The following RSU1 variants were observed in gnomAD, a reference collection of about 807,000 sequenced individuals.
The protein encoded by RSU1 is Ras suppressor protein 1, also known as rsu-1.
RSU1 carries 26 observed loss-of-function variants against 31.1 expected under a neutral mutation model. That is an observed-to-expected ratio of 0.84 (90% CI 0.61 to 1.16). The LOEUF is 1.16. Among genes scored for constraint, RSU1 ranks in the 50% most tolerant of loss-of-function variants. RSU1 has a pLI of 0.00. For synonymous variants in RSU1, 164 were observed against 136.3 expected (o/e 1.20, Z -1.41); for missense variants, 320 against 339.1 (o/e 0.94, Z 0.44).
chr10:16,689,021 A>G (rs1490285109), intron 8 of RSU1, among the ~76,000 whole-genome samples: 2 of 150,888 alleles, frequency 1.3e-5, no homozygotes, highest in Non-Finnish European at 2.9e-5. Context: ...GGAAAAAAAA[A>G]AAAAGCTTTA....
At chr10:16,806,390 G>A (rs1838267058) in intron 2 of RSU1, among the ~76,000 whole-genome samples, 1 of 152,202 alleles carries the variant, frequency 6.6e-6, no homozygotes, top group Non-Finnish European at 1.5e-5. Flanking sequence ...TGAGAACACT[G>A]CTTCCGACGT....
chr10:16,654,417 C>T (rs1439282892), intron 8 of RSU1, among the ~76,000 whole-genome samples: 12 of 148,026 alleles, frequency 8.1e-5, no homozygotes, highest in Middle Eastern at 3.6e-3. Flanking sequence ...TGCTTGTAAT[C>T]CCAGCACTTT....
intron 2 of RSU1, among the ~76,000 whole-genome samples, chr10:16,806,678 G>A (rs138060294): frequency 1.2e-4 from 19 of 152,250 alleles, no homozygotes; most frequent in African/African-American, 4.3e-4. Flanking sequence ...AGTGCACAAC[G>A]TTGTAGAATA....
intron 8 of RSU1, among the ~76,000 whole-genome samples, chr10:16,660,875 G>A (rs1306926677): frequency 1.3e-5 from 2 of 151,786 alleles, no homozygotes; most frequent in East Asian, 3.9e-4. Flanking sequence ...TCGAACTCCT[G>A]GCCTCAAGTG....
chr10:16,608,448 G>A (rs1833840436), intron 8 of RSU1, among the ~76,000 whole-genome samples: 2 of 152,088 alleles, frequency 1.3e-5, no homozygotes, highest in South Asian at 4.2e-4. Context: ...TATCCATGCG[G>A]CTCTCACCAG....
intron 2 of RSU1, among the ~76,000 whole-genome samples, chr10:16,795,112 G>A (rs1186286297): frequency 3.3e-5 from 5 of 152,144 alleles, no homozygotes; most frequent in East Asian, 3.9e-4. Flanking sequence ...CCAGCACTTC[G>A]GGAGGCCGGG....
intron 8 of RSU1, among the ~76,000 whole-genome samples, chr10:16,625,726 C>G (rs73601042): frequency 6.6e-6 from 1 of 152,102 alleles, no homozygotes; most frequent in East Asian, 1.9e-4. Flanking sequence ...GAAATCAAGA[C>G]GAGGTGGGTG....
intron 2 of RSU1, among the ~76,000 whole-genome samples, chr10:16,807,203 A>T (rs1838291193): frequency 6.6e-6 from 1 of 151,910 alleles, no homozygotes; most frequent in African/African-American, 2.4e-5. Context: ...AAGAGGCGAA[A>T]CCTCCTTGCA....
chr10:16,694,201 G>T (rs1269009178), intron 8 of RSU1, among the ~76,000 whole-genome samples: 1 of 152,166 alleles, frequency 6.6e-6, no homozygotes, highest in African/African-American at 2.4e-5. Flanking sequence ...CTGGAGTGAG[G>T]ACTTGAGGTA....
intron 8 of RSU1, among the ~76,000 whole-genome samples, chr10:16,662,459 C>T (rs1442458942): frequency 6.6e-6 from 1 of 152,162 alleles, no homozygotes; most frequent in Non-Finnish European, 1.5e-5. Flanking sequence ...TTCCTGACTG[C>T]CCATAGACTT....
At chr10:16,664,116 T>G (rs955595953) in intron 8 of RSU1, among the ~76,000 whole-genome samples, 3 of 152,200 alleles carry the variant, frequency 2.0e-5, no homozygotes, top group African/African-American at 7.2e-5. Context: ...TAAAATATAC[T>G]GCACAGAAGC....
Position 16,698,282 on chromosome 10 carries a change from G to C in RSU1, c.599-3127C>G, listed in dbSNP as rs552957734. Among the ~76,000 whole-genome samples, 11 of 152,042 alleles carry C rather than the reference G, an allele frequency of 7.2e-5. No homozygotes were observed. In the East Asian group the frequency reaches 1.9e-3, roughly 27 times the overall value. On this transcript the variant is annotated intron_variant, in intron 7 of 8. Transcript: ENST00000345264. ...TTCCGCCGAGTCCCAAGCCTTGCTC[G>C]ATCATCCGAAACTGAAGGTATGTTA...
chr10:16,771,815 A>C (rs1349218239), intron 3 of RSU1, among the ~76,000 whole-genome samples: 2 of 152,238 alleles, frequency 1.3e-5, no homozygotes. Context: ...GGTTATTTAA[A>C]AACATAAAGT....
chr10:16,790,858 G>A (rs1425386613), intron 2 of RSU1, among the ~76,000 whole-genome samples: 3 of 151,974 alleles, frequency 2.0e-5, no homozygotes, highest in African/African-American at 7.3e-5. Flanking sequence ...CTTCCCCTTC[G>A]CCTTCCACCA....
intron 5 of RSU1, 24 bp downstream of exon 5, chr10:16,754,847 T>A: frequency 1.4e-6 from 2 of 1,432,260 alleles, no homozygotes; most frequent in South Asian, 2.3e-5. Context: ...GTTGAGGAGA[T>A]TTATAGAATT....
intron 2 of RSU1, among the ~76,000 whole-genome samples, chr10:16,785,457 T>TATACACAC (rs879683799): frequency 4.1e-5 from 5 of 122,708 alleles, no homozygotes; most frequent in South Asian, 2.6e-4. Flanking sequence ...TATACATATA[T>TATACACAC]ACATATATAT....
Position 16,695,361 on chromosome 10 carries a change from G to A in RSU1, c.599-206C>T, listed in dbSNP as rs562941975. ...CTTGGCCCCAGAAATTAAGAACAAA[G>A]GAAGGAAGAAAGAAGACAGATGGAA... On this transcript the variant is annotated intron_variant, in intron 7 of 8. Coordinates refer to ENST00000345264, the MANE Select transcript of RSU1 (RefSeq NM_012425.4). Among the ~76,000 whole-genome samples, 4 of 152,236 alleles carry A rather than the reference G, an allele frequency of 2.6e-5. No homozygotes were observed. The South Asian group carries it at 8.3e-4, about 32-fold the overall frequency.
At chr10:16,654,919 G>A (rs1834750740) in intron 8 of RSU1, among the ~76,000 whole-genome samples, 1 of 151,098 alleles carries the variant, frequency 6.6e-6, no homozygotes, top group African/African-American at 2.4e-5. Context: ...TGAAAAACAG[G>A]TGGGTGTGGT....
intron 8 of RSU1, among the ~76,000 whole-genome samples, chr10:16,686,750 CAGAG>C (rs372365101): frequency 3.3e-5 from 5 of 152,236 alleles, no homozygotes; most frequent in South Asian, 2.1e-4. Flanking sequence ...GAGACACACA[CAGAG>C]AGAGACTGAG....
Sources: gnomAD v4.1 joint callset for allele counts (sites outside exome capture counted in the v4.1 genomes callset) on GRCh38, gnomAD v4.1.1 for gene constraint, MANE v1.5 for transcripts, NCBI Gene and HGNC (gene_info 2026-07-23, HGNC 2026-07-21) for gene names.